Variants in ESRRB observed in about 807,000 individuals in gnomAD.
ESRRB encodes steroid hormone receptor ERR2.
In ESRRB, 16 loss-of-function variants were observed where a neutral mutation model predicts 46.0. The ratio of observed to expected loss-of-function variants is 0.35; its 90% CI spans 0.24 to 0.53. ESRRB has a LOEUF of 0.53. Among genes scored for constraint, ESRRB ranks in the 20% least tolerant of loss-of-function variants. ESRRB has a pLI of 0.93. For missense variants in ESRRB, 488 were observed against 607.4 expected, an observed-to-expected ratio of 0.80 and a Z score of 2.07; for synonymous variants, 246 against 259.6, an observed-to-expected ratio of 0.95 and a Z score of 0.50.
chr14:76,461,617 T>C (rs993952751), intron 2 of ESRRB, among the ~76,000 whole-genome samples: 3 of 152,228 alleles, frequency 2.0e-5, no homozygotes, highest in Non-Finnish European at 4.4e-5. Flanking sequence ...CAAGCAATTC[T>C]CCTATCTCAG....
intron 1 of ESRRB, among the ~76,000 whole-genome samples, chr14:76,345,819 A>T (rs1020412872): frequency 4.6e-5 from 7 of 152,248 alleles, no homozygotes; most frequent in Non-Finnish European, 8.8e-5. Flanking sequence ...ACTTGAATTC[A>T]GACCTTCCGG....
At chr14:76,345,909 AT>A (rs1462275171) in intron 1 of ESRRB, among the ~76,000 whole-genome samples, 2 of 152,154 alleles carry the variant, frequency 1.3e-5, no homozygotes, top group Admixed American at 1.3e-4. Context: ...GCTGTCACAA[AT>A]TGCCACACAC....
intron 1 of ESRRB, among the ~76,000 whole-genome samples, chr14:76,326,629 G>T (rs1368970739): frequency 1.3e-5 from 2 of 152,154 alleles, no homozygotes; most frequent in Non-Finnish European, 2.9e-5. Context: ...TGGTAACAAG[G>T]TCAGTCTAAT....
chr14:76,361,208 G>C (rs918109778), intron 1 of ESRRB, among the ~76,000 whole-genome samples: 2 of 152,202 alleles, frequency 1.3e-5, no homozygotes, highest in Non-Finnish European at 2.9e-5. Context: ...CGGCTGCCCA[G>C]TGGCCTGGCA....
intron 1 of ESRRB, among the ~76,000 whole-genome samples, chr14:76,402,524 G>A (rs1885986843): frequency 1.3e-5 from 2 of 152,126 alleles, no homozygotes; most frequent in Non-Finnish European, 2.9e-5. Context: ...TATCCATTGG[G>A]AAACACCACC....
intron 1 of ESRRB, chr14:76,407,591 CAGAGGGTA>C: frequency 1.0e-6 from 1 of 985,932 alleles, no homozygotes. Flanking sequence ...ACAGGCTGCT[CAGAGGGTA>C]AGTTGGGTCC....
intron 1 of ESRRB, among the ~76,000 whole-genome samples, chr14:76,332,709 TA>T (rs1341703377): frequency 9.2e-5 from 3 of 32,600 alleles, no homozygotes; most frequent in African/African-American, 3.9e-4. Flanking sequence ...ATATTATATA[TA>T]TTTATATATT....
chr14:76,388,175 C>CTTTTTTTT (rs35368784), intron 1 of ESRRB, among the ~76,000 whole-genome samples: 14 of 118,260 alleles, frequency 1.2e-4, no homozygotes, highest in East Asian at 2.5e-4. Flanking sequence ...TTCTTTCATT[C>CTTTTTTTT]TTTTTTTTTT....
intron 3 of ESRRB, among the ~76,000 whole-genome samples, chr14:76,466,716 A>AT (rs113456652): frequency 0.015 from 2,172 of 145,558 alleles, 57 homozygotes; most frequent in African/African-American, 0.051. Flanking sequence ...TGCCCGTGTA[A>AT]TTTTTTTTTT....
intron 1 of ESRRB, among the ~76,000 whole-genome samples, chr14:76,406,573 G>A (rs553949704): frequency 1.3e-5 from 2 of 152,136 alleles, no homozygotes; most frequent in East Asian, 1.9e-4. Context: ...GTGAAACCCC[G>A]TCTCTACTAA....
At chr14:76,315,211 C>T (rs1018351371) in intron 1 of ESRRB, among the ~76,000 whole-genome samples, 2 of 152,106 alleles carry the variant, frequency 1.3e-5, no homozygotes, top group African/African-American at 4.8e-5. Flanking sequence ...CACCTTCTCC[C>T]TTTTCCTGGG....
At chr14:76,426,422 A>G (rs1887204982) in intron 1 of ESRRB, among the ~76,000 whole-genome samples, 1 of 152,228 alleles carries the variant, frequency 6.6e-6, no homozygotes, top group Non-Finnish European at 1.5e-5. Context: ...GGTGTCTAGC[A>G]AGAAAATTAA....
At chr14:76,374,729 G>A (rs907118167), upstream of ESRRB, among the ~76,000 whole-genome samples, 2 of 151,990 alleles carry the variant, frequency 1.3e-5, no homozygotes, top group South Asian at 2.1e-4. Context: ...TTTAAAAATC[G>A]GGGGCTGCTG....
At chr14:76,481,752 AG>A (rs1889813341) in intron 3 of ESRRB, among the ~76,000 whole-genome samples, 1 of 152,204 alleles carries the variant, frequency 6.6e-6, no homozygotes, top group Non-Finnish European at 1.5e-5. Flanking sequence ...CCAAGGGCTG[AG>A]GGTTGCTTGG....
rs1463503885 is a variant in ESRRB at position 76,346,846 on chromosome 14, GTAGTCTGTGGATTA to G, written c.2+35934_2+35947del. On this transcript the variant is annotated intron_variant, in intron 1 of 6. Coordinates refer to the ESRRB transcript ENST00000512784. ...TGCTGTTCTTTCATTTTGCCACGCC[GTAGTCTGTGGATTA>G]TAGACACCACATGCTATAGATTTCC... Among the ~76,000 whole-genome samples the G allele has an allele frequency of 2.0e-5, 3 of 152,332 alleles. No individual in the cohort carries two copies. The East Asian group carries it at 5.8e-4, about 29-fold the overall frequency.
chr14:76,369,015 G>A (rs188124892), upstream of ESRRB, among the ~76,000 whole-genome samples: 55 of 152,070 alleles, frequency 3.6e-4, no homozygotes, highest in African/African-American at 1.2e-3. Flanking sequence ...TGACCAACAT[G>A]GTGAAGTCCC....
At chr14:76,323,788 C>T (rs183596160) in intron 1 of ESRRB, among the ~76,000 whole-genome samples, 32 of 152,262 alleles carry the variant, frequency 2.1e-4, no homozygotes, top group Non-Finnish European at 2.9e-4. Context: ...TTGACCAAGG[C>T]GCTGGTTCTC....
chr14:76,469,557 A>T (rs563716355), intron 3 of ESRRB, among the ~76,000 whole-genome samples: 79 of 152,180 alleles, frequency 5.2e-4, no homozygotes, highest in Middle Eastern at 3.4e-3. Context: ...TGTTAAAAAA[A>T]TTTTTTTTCA....
At chr14:76,383,159 C>T (rs547346487) in intron 1 of ESRRB, among the ~76,000 whole-genome samples, 1 of 152,268 alleles carries the variant, frequency 6.6e-6, no homozygotes, top group South Asian at 2.1e-4. Context: ...TAAAACTGTA[C>T]GAATGTGAAG....
Sources: gnomAD v4.1 joint callset for allele counts (sites outside exome capture counted in the v4.1 genomes callset) on GRCh38, gnomAD v4.1.1 for gene constraint, MANE v1.5 for transcripts, NCBI Gene and HGNC (gene_info 2026-07-23, HGNC 2026-07-21) for gene names.